ITGA8: variants seen among roughly 807,000 people sequenced by gnomAD.
ITGA8 encodes integrin alpha-8.
ITGA8 carries 91 observed loss-of-function variants against 142.3 expected under a neutral mutation model. The ratio of observed to expected loss-of-function variants is 0.64; its 90% CI spans 0.54 to 0.76. The LOEUF is 0.76. Ranked by LOEUF, ITGA8 falls within the 30% of genes least tolerant of loss-of-function variation. The pLI is 0.00. For synonymous variants in ITGA8, 505 were observed against 485.2 expected, an observed-to-expected ratio of 1.04 and a Z score of -0.54; for missense variants, 1,406 against 1,327.7, an observed-to-expected ratio of 1.06 and a Z score of -0.92.
rs869241754 is a variant in ITGA8 at position 15,556,018 on chromosome 10, C to CTTTTTTTTTT, written c.2766+2046_2766+2055dup. On this transcript the variant is annotated intron_variant, in intron 26 of 29. Coordinates refer to ENST00000378076, the MANE Select transcript of ITGA8 (RefSeq NM_003638.3). ...GTCTTCTGCCAGGGTCTCTCTCTCTCTTTTTTTTTTTTTTTTTTTTTTTTT... is the reference window on the plus strand; with the variant it reads ...GTCTTCTGCCAGGGTCTCTCTCTCTCTTTTTTTTTTTTTTTTTTTTTTTTTTTTTTTTTTT... 5.6e-5 allele frequency among the ~76,000 whole-genome samples: 3 copies of CTTTTTTTTTT among 53,634 alleles called. 1 individual carries two copies. Among genetic ancestry groups the CTTTTTTTTTT allele is most frequent in the African/African-American group, 2.6e-4 (3 of 11,642 alleles). 35.2% of individuals were successfully genotyped at this position (53,634 alleles called of 152,430 possible).
At chr10:15,590,705 C>T (rs1172251428) in intron 22 of ITGA8, among the ~76,000 whole-genome samples, 1 of 152,010 alleles carries the variant, frequency 6.6e-6, no homozygotes, top group Admixed American at 6.6e-5. Flanking sequence ...TTTAGGGCTA[C>T]CTAAACCTTT....
intron 2 of ITGA8, among the ~76,000 whole-genome samples, chr10:15,694,339 TCA>T (rs72078314): frequency 2.4e-3 from 25 of 10,384 alleles, no homozygotes; most frequent in East Asian, 4.9e-3. Flanking sequence ...ATATCATATA[TCA>T]GATAATATAT....
intron 25 of ITGA8, among the ~76,000 whole-genome samples, chr10:15,565,760 T>C (rs1384278761): frequency 2.6e-5 from 4 of 151,720 alleles, no homozygotes; most frequent in Non-Finnish European, 5.9e-5. Flanking sequence ...CAGCTAATTT[T>C]TGTACTTTTA....
Position 15,565,682 on chromosome 10 carries a change from C to T in ITGA8, c.2637+6529G>A, listed in dbSNP as rs553981810. Among the ~76,000 whole-genome samples the T allele has an allele frequency of 2.0e-3, 291 of 143,878 alleles. 1 individual carries two copies. Among genetic ancestry groups the T allele is most frequent in the Non-Finnish European group, 3.4e-3 (227 of 66,946 alleles). 94.4% of individuals were successfully genotyped at this position (143,878 alleles called of 152,430 possible). ...TCAGCTCTCTGCAACCTCTGTCTCCCGGGTTCAAGCGATTCTCCTGCCTCA... is the reference window on the plus strand; with the variant it reads ...TCAGCTCTCTGCAACCTCTGTCTCCTGGGTTCAAGCGATTCTCCTGCCTCA... On this transcript the variant is annotated intron_variant, in intron 25 of 29. Coordinates refer to ENST00000378076, the MANE Select transcript of ITGA8 (RefSeq NM_003638.3).
intron 13 of ITGA8, among the ~76,000 whole-genome samples, chr10:15,619,432 C>A (rs1833449652): frequency 1.3e-5 from 2 of 152,136 alleles, no homozygotes; most frequent in Admixed American, 6.5e-5. Flanking sequence ...CATGTGCATG[C>A]TGATGTTCAA....
rs776946004 is a variant in ITGA8, at chr10:15,592,231, A to G, written c.2285T>C (p.Ile762Thr). 3.5e-5 allele frequency: 57 copies of G among 1,612,584 alleles called. No individual in the cohort carries two copies. The highest frequency in any genetic ancestry group is 4.5e-5 in the Non-Finnish European group (53 of 1,178,694). Reference protein sequence around the residue: ...TNMSINFDLQIRSSNKDNPDS... With the variant: ...TNMSINFDLQTRSSNKDNPDS... ...AGGCATGTAAAGGTCTAACCTTCTG[A>G]TTTGGAGATCGAAGTTAATGCTCAT... Residue 762 changes from isoleucine (I) to threonine (T), a missense_variant, in exon 22 of 30, where the codon ATC (isoleucine) becomes ACC (threonine). Transcript: ENST00000378076.
At chr10:15,638,355 T>C (rs1833809472) in intron 13 of ITGA8, among the ~76,000 whole-genome samples, 1 of 152,186 alleles carries the variant, frequency 6.6e-6, no homozygotes. Flanking sequence ...GCAGCCAGGT[T>C]GTGTTAAGAA....
At chr10:15,586,049 A>ATTTTTTTTTTTTTT (rs59435924) in intron 23 of ITGA8, among the ~76,000 whole-genome samples, 1 of 76,816 alleles carries the variant, frequency 1.3e-5, no homozygotes, top group African/African-American at 5.3e-5. Context: ...GAATAAAGTG[A>ATTTTTTTTTTTTTT]TTTTTTTTTT....
chr10:15,694,985 C>G (rs1004918136), intron 2 of ITGA8, among the ~76,000 whole-genome samples: 1 of 151,944 alleles, frequency 6.6e-6, no homozygotes, highest in Non-Finnish European at 1.5e-5. Context: ...GAAGAGCAGA[C>G]TTCAGTGAGG....
At chr10:15,619,812 G>A (rs1307029704) in intron 13 of ITGA8, among the ~76,000 whole-genome samples, 1 of 152,160 alleles carries the variant, frequency 6.6e-6, no homozygotes, top group African/African-American at 2.4e-5. Context: ...GTGTAACACA[G>A]GTGGCCCTGG....
At chr10:15,693,526 C>T (rs567115635) in intron 2 of ITGA8, among the ~76,000 whole-genome samples, 26 of 152,294 alleles carry the variant, frequency 1.7e-4, no homozygotes, top group African/African-American at 6.0e-4. Flanking sequence ...TGGAAATCCT[C>T]ACCCAAAGTG....
chr10:15,525,826 T>C (rs1026299237), intron 28 of ITGA8, among the ~76,000 whole-genome samples: 1 of 152,132 alleles, frequency 6.6e-6, no homozygotes. Flanking sequence ...TAAACTATTA[T>C]CATTTTAATA....
intron 2 of ITGA8, among the ~76,000 whole-genome samples, chr10:15,714,542 C>T (rs1835416768): frequency 6.6e-6 from 1 of 152,158 alleles, no homozygotes; most frequent in African/African-American, 2.4e-5. Context: ...AAATTATCTA[C>T]TCTTTGCATC....
At chr10:15,719,445 C>A in intron 1 of ITGA8, 118 bp downstream of exon 1, 1 of 875,362 alleles carries the variant, frequency 1.1e-6, no homozygotes, top group Non-Finnish European at 1.6e-6. Context: ...GACGGGACCC[C>A]GGGCAGGCGG....
At chr10:15,535,803 A>G (rs1381957189) in intron 27 of ITGA8, among the ~76,000 whole-genome samples, 2 of 152,064 alleles carry the variant, frequency 1.3e-5, no homozygotes, top group African/African-American at 4.8e-5. Context: ...CCCCTTCCAC[A>G]CTGTGGCAGG....
intron 27 of ITGA8, among the ~76,000 whole-genome samples, chr10:15,542,604 G>A (rs550756795): frequency 2.1e-4 from 32 of 152,178 alleles, no homozygotes; most frequent in South Asian, 1.2e-3. Context: ...TTAGCTATCC[G>A]TAATACAGTG....
chr10:15,659,720 C>T (rs527242236), intron 9 of ITGA8, among the ~76,000 whole-genome samples: 3 of 152,294 alleles, frequency 2.0e-5, no homozygotes, highest in South Asian at 2.1e-4. Flanking sequence ...TCCGGGTAGG[C>T]TCTAAATCCA....
intron 26 of ITGA8, 106 bp downstream of exon 26, chr10:15,557,968 A>C (rs1340069930): frequency 7.4e-7 from 1 of 1,357,384 alleles, no homozygotes; most frequent in Non-Finnish European, 1.0e-6. Flanking sequence ...ATATCTGAGC[A>C]CTGAAGGAGA....
chr10:15,639,131 T>TA (rs74315607), intron 13 of ITGA8, among the ~76,000 whole-genome samples: 320 of 141,402 alleles, frequency 2.3e-3, no homozygotes, highest in South Asian at 3.4e-3. Flanking sequence ...TCCTATCTCT[T>TA]AAAAAAAAAA....
Sources: gnomAD v4.1 joint callset for allele counts (sites outside exome capture counted in the v4.1 genomes callset) on GRCh38, gnomAD v4.1.1 for gene constraint, MANE v1.5 for transcripts, NCBI Gene and HGNC (gene_info 2026-07-23, HGNC 2026-07-21) for gene names.